The following SCFD2 variants were observed in gnomAD, a reference collection of about 807,000 sequenced individuals.
SCFD2 encodes sec1 family domain-containing protein 2.
A neutral mutation model predicts 58.9 loss-of-function variants in SCFD2; 54 were observed. The ratio of observed to expected loss-of-function variants is 0.92; its 90% confidence interval spans 0.74 to 1.15. SCFD2 has a LOEUF of 1.15. Ranked by LOEUF, SCFD2 falls within the 50% of genes most tolerant of loss-of-function variation. The pLI is 0.00. For synonymous variants in SCFD2, 321 were observed against 335.9 expected (o/e 0.96, Z 0.49); for missense variants, 805 against 836.6 (o/e 0.96, Z 0.47).
chr4:53,304,052 T>C (rs1160337765), intron 3 of SCFD2, among the ~76,000 whole-genome samples: 2 of 151,304 alleles, frequency 1.3e-5, no homozygotes, highest in East Asian at 1.9e-4. Context: ...TGTATATATA[T>C]GTAACAAACC....
intron 4 of SCFD2, among the ~76,000 whole-genome samples, chr4:53,178,264 G>C (rs1727412752): frequency 6.6e-6 from 1 of 152,172 alleles, no homozygotes; most frequent in African/African-American, 2.4e-5. Flanking sequence ...GGGGCAGACT[G>C]ACACCTCACA....
rs530525935 is a variant in SCFD2 at position 52,888,067 on chromosome 4, C to T, written c.1843-2201G>A. 2.6e-4 allele frequency among the ~76,000 whole-genome samples: 39 copies of T among 151,708 alleles called. 1 individual carries two copies. In the South Asian group the frequency reaches 6.7e-3, roughly 26 times the overall value. On this transcript the variant is annotated intron_variant, in intron 7 of 8. Transcript: ENST00000401642. ...CTGGGACTACAGGCGCCCGCCACCG[C>T]GCCCGGCTAATTTTTTGTATTTTTA... is the stretch of plus-strand genomic sequence containing the variant.
chr4:52,938,192 T>C (rs56735793), intron 5 of SCFD2, among the ~76,000 whole-genome samples: 3,873 of 152,314 alleles, frequency 0.025, 180 homozygotes, highest in African/African-American at 0.088. Flanking sequence ...TATGTATTAG[T>C]TCATTTACTC....
chr4:52,920,469 G>A (rs1462106660), intron 6 of SCFD2, among the ~76,000 whole-genome samples: 1 of 152,104 alleles, frequency 6.6e-6, no homozygotes. Flanking sequence ...ATCAGTCTGC[G>A]ACAAACCCAC....
At chr4:53,038,677 G>C (rs1423668896) in intron 5 of SCFD2, among the ~76,000 whole-genome samples, 2 of 151,278 alleles carry the variant, frequency 1.3e-5, no homozygotes, top group East Asian at 3.9e-4. Context: ...GAAAAAAGAA[G>C]ACATTTAAAG....
chr4:53,027,670 A>G (rs764968091), intron 5 of SCFD2, among the ~76,000 whole-genome samples: 14 of 151,938 alleles, frequency 9.2e-5, no homozygotes, highest in African/African-American at 3.4e-4. Context: ...TTTACAAAAA[A>G]TACAAAAATT....
At chr4:53,106,206 C>T (rs946388123) in intron 5 of SCFD2, among the ~76,000 whole-genome samples, 9 of 152,132 alleles carry the variant, frequency 5.9e-5, no homozygotes, top group South Asian at 2.1e-4. Flanking sequence ...CACAAAAACC[C>T]GATCTGAAGG....
At position 52,913,667 on chromosome 4, in the gene SCFD2, G is replaced by A. The variant is rs182264786; in HGVS notation, c.1708-6076C>T. 1.1e-3 allele frequency among the ~76,000 whole-genome samples: 161 copies of A among 152,254 alleles called. 1 individual carries two copies. The highest frequency in any genetic ancestry group is 3.4e-3 in the Middle Eastern group (1 of 292). On this transcript the variant is annotated intron_variant, in intron 6 of 8. Transcript: ENST00000401642. The stretch of plus-strand genomic sequence containing the variant: ...AAACCACACCGCCCCACCCTGCACC[G>A]CCTGGTGCCTTCCACAAAAGAGGTC...
chr4:52,881,364 C>A (rs1196498439), intron 8 of SCFD2, among the ~76,000 whole-genome samples: 5 of 152,210 alleles, frequency 3.3e-5, no homozygotes, highest in African/African-American at 1.2e-4. Context: ...GGAAGCTCTT[C>A]CTCCTGGTTT....
At chr4:53,154,371 C>T (rs1463384673) in intron 4 of SCFD2, among the ~76,000 whole-genome samples, 1 of 151,974 alleles carries the variant, frequency 6.6e-6, no homozygotes, top group East Asian at 1.9e-4. Flanking sequence ...GAATGGAGGT[C>T]GGGGGAGCAG....
intron 5 of SCFD2, among the ~76,000 whole-genome samples, chr4:52,967,968 C>T (rs994019552): frequency 6.6e-6 from 1 of 152,170 alleles, no homozygotes; most frequent in African/African-American, 2.4e-5. Flanking sequence ...TTTAATTCTA[C>T]AACTACAAGG....
chr4:52,929,172 T>C (rs1436470052), intron 5 of SCFD2, among the ~76,000 whole-genome samples: 3 of 152,160 alleles, frequency 2.0e-5, no homozygotes, highest in Non-Finnish European at 4.4e-5. Context: ...AGTTTGTGTT[T>C]ATTATTCTCC....
intron 5 of SCFD2, among the ~76,000 whole-genome samples, chr4:52,981,263 A>G (rs1560500872): frequency 6.6e-6 from 1 of 152,214 alleles, no homozygotes; most frequent in Non-Finnish European, 1.5e-5. Context: ...TGGAGCTGGT[A>G]AATTCAGACA....
At chr4:53,314,235 A>G (rs1159057314) in intron 2 of SCFD2, among the ~76,000 whole-genome samples, 1 of 152,250 alleles carries the variant, frequency 6.6e-6, no homozygotes, top group Non-Finnish European at 1.5e-5. Context: ...AAATTACTCA[A>G]CAGACTTCCT....
chr4:53,006,097 T>C (rs1477648969), intron 5 of SCFD2, among the ~76,000 whole-genome samples: 3 of 152,198 alleles, frequency 2.0e-5, no homozygotes, highest in Non-Finnish European at 4.4e-5. Flanking sequence ...CAAAAGCATG[T>C]CATGCATCCC....
intron 5 of SCFD2, among the ~76,000 whole-genome samples, chr4:52,954,411 G>C (rs1053938218): frequency 7.9e-5 from 12 of 152,204 alleles, no homozygotes; most frequent in African/African-American, 2.9e-4. Context: ...TCCAAAGATG[G>C]AATGCCACTG....
At chr4:53,083,412 T>A (rs1172629822) in intron 5 of SCFD2, among the ~76,000 whole-genome samples, 3 of 151,974 alleles carry the variant, frequency 2.0e-5, no homozygotes, top group African/African-American at 7.2e-5. Context: ...ACTATTTTTT[T>A]AAAAAAAGAA....
intron 2 of SCFD2, among the ~76,000 whole-genome samples, chr4:53,319,446 T>C (rs1732959422): frequency 6.6e-6 from 1 of 152,224 alleles, no homozygotes; most frequent in South Asian, 2.1e-4. Context: ...CTAGTCTAAA[T>C]TGCCTTACAG....
intron 3 of SCFD2, among the ~76,000 whole-genome samples, chr4:53,287,341 C>A (rs1170416278): frequency 6.6e-6 from 1 of 152,180 alleles, no homozygotes; most frequent in Non-Finnish European, 1.5e-5. Flanking sequence ...GAAGGATACG[C>A]TCAGCTAAGT....
Sources: allele counts gnomAD v4.1 joint callset (sites outside exome capture counted in the v4.1 genomes callset), GRCh38; gene constraint gnomAD v4.1.1; transcripts MANE v1.5; gene names NCBI Gene and HGNC (gene_info 2026-07-23, HGNC 2026-07-21).